The following PRIM2 variants were observed in gnomAD, a reference collection of about 807,000 sequenced individuals.
PRIM2 encodes DNA primase large subunit.
PRIM2 carries 39 observed loss-of-function variants against 67.3 expected under a neutral mutation model. That is an observed-to-expected ratio of 0.58 (90% confidence interval 0.45 to 0.76). The LOEUF (loss-of-function observed/expected upper bound fraction) is 0.76, where lower values mean the gene tolerates loss of function less well. Among genes scored for constraint, PRIM2 ranks in the 30% least tolerant of loss-of-function variants. PRIM2 has a pLI of 0.00. For missense variants in PRIM2, 398 were observed against 598.7 expected (o/e 0.66, Z 3.50); for synonymous variants, 143 against 198.7 (o/e 0.72, Z 2.36).
chr6:57,480,416 A>G lies in PRIM2; in HGVS notation c.694-26971A>G, dbSNP rs1336323692. Among the ~76,000 whole-genome samples, 4 of 151,884 alleles carry G rather than the reference A, an allele frequency of 2.6e-5. No homozygotes were observed. In the East Asian group the frequency reaches 7.7e-4, roughly 29 times the overall value. ...CATAACTTTAGGTATAATAAAAAAAACTAGGAAATTAATGTTAGTACACAG... is the reference window on the plus strand; with the variant it reads ...CATAACTTTAGGTATAATAAAAAAAGCTAGGAAATTAATGTTAGTACACAG... On this transcript the variant is annotated intron_variant, in intron 7 of 13. Transcript: ENST00000615550.
chr6:57,505,734 A>G lies in PRIM2; in HGVS notation c.694-1653A>G, dbSNP rs1774237435. ...GAAATGAAGACTGAAATTAAGATGA[A>G]GGGGTAGATTTGAAAATCTTTCCTA... On this transcript the variant is annotated intron_variant, in intron 7 of 13. Transcript: ENST00000615550. 2.0e-5 allele frequency among the ~76,000 whole-genome samples: 3 copies of G among 152,314 alleles called. No homozygotes were observed. The Middle Eastern group carries it at 0.01, about 518-fold the overall frequency.
At chr6:57,326,234 A>C in intron 5 of PRIM2, 189 bp downstream of exon 5, 1 of 514,338 alleles carries the variant, frequency 1.9e-6, no homozygotes. Flanking sequence ...GGACTCCTTA[A>C]TAACAAAGTC....
At chr6:57,614,320 C>T (rs1397002219) in intron 12 of PRIM2, among the ~76,000 whole-genome samples, 3 of 152,290 alleles carry the variant, frequency 2.0e-5, no homozygotes, top group Admixed American at 6.5e-5. Flanking sequence ...TTGTCTTCTA[C>T]GAAACTGGTC....
chr6:57,481,917 T>C (rs1319831936), intron 7 of PRIM2, among the ~76,000 whole-genome samples: 3 of 152,216 alleles, frequency 2.0e-5, no homozygotes, highest in African/African-American at 4.8e-5. Flanking sequence ...GGATGATTTT[T>C]TTCCTGGCTT....
Position 57,372,894 on chromosome 6 carries a change from G to A in PRIM2, c.460-7007G>A, listed in dbSNP as rs566987488. Among the ~76,000 whole-genome samples the A allele has an allele frequency of 6.8e-4, 104 of 152,238 alleles. 2 individuals are homozygous for A. The highest frequency in any genetic ancestry group is 2.4e-3 in the African/African-American group (101 of 41,530). On this transcript the variant is annotated intron_variant, in intron 5 of 13. Transcript: ENST00000615550. ...GTTGATTCCATGTCTTTGCTATTGT[G>A]AATAGTGCTGCAGTGAACATATGTG...
intron 10 of PRIM2, among the ~76,000 whole-genome samples, chr6:57,577,416 CTGGT>C (rs1775983010): frequency 6.7e-6 from 1 of 149,822 alleles, no homozygotes; most frequent in Admixed American, 6.8e-5. Flanking sequence ...TTTCCATTGC[CTGGT>C]ATATAAATTT....
chr6:57,629,648 C>G (rs1777010601), intron 12 of PRIM2, among the ~76,000 whole-genome samples: 1 of 151,824 alleles, frequency 6.6e-6, no homozygotes, highest in South Asian at 2.1e-4. Flanking sequence ...GATCTACCAT[C>G]TATTCCCTGA....
intron 7 of PRIM2, among the ~76,000 whole-genome samples, chr6:57,428,827 T>C (rs1359571238): frequency 6.6e-6 from 1 of 152,206 alleles, no homozygotes; most frequent in Non-Finnish European, 1.5e-5. Context: ...TAATATCTTA[T>C]ATAACCATAG....
intron 10 of PRIM2, among the ~76,000 whole-genome samples, chr6:57,594,438 TA>T (rs1271673759): frequency 6.6e-6 from 1 of 152,216 alleles, no homozygotes; most frequent in Non-Finnish European, 1.5e-5. Flanking sequence ...AAGACTGTGT[TA>T]TTGGCAAAAG....
chr6:57,517,543 T>C (rs1454812863), intron 8 of PRIM2, among the ~76,000 whole-genome samples: 1 of 152,188 alleles, frequency 6.6e-6, no homozygotes, highest in Non-Finnish European at 1.5e-5. Context: ...TTTTAATTAA[T>C]TAAAATTTTA....
At chr6:57,262,406 A>T in the PRIM2 span, among the ~76,000 whole-genome samples, 5 of 152,048 alleles carry the variant, frequency 3.3e-5, no homozygotes, top group Non-Finnish European at 7.4e-5. Context: ...AAGTATTTCC[A>T]GTTATTTCTA....
the PRIM2 span, among the ~76,000 whole-genome samples, chr6:57,273,262 A>G: frequency 1.8e-4 from 27 of 152,350 alleles, no homozygotes; most frequent in Admixed American, 7.2e-4. Flanking sequence ...TTTCAGGTGC[A>G]CTGATCAGAC....
intron 5 of PRIM2, among the ~76,000 whole-genome samples, chr6:57,348,996 C>T (rs550901244): frequency 2.0e-5 from 3 of 152,156 alleles, no homozygotes; most frequent in Non-Finnish European, 2.9e-5. Context: ...CTGCCTGCTT[C>T]GGCCTTCCAA....
chr6:57,605,927 G>C (rs1776554103), intron 11 of PRIM2, among the ~76,000 whole-genome samples: 2 of 151,956 alleles, frequency 1.3e-5, no homozygotes, highest in Non-Finnish European at 2.9e-5. Flanking sequence ...AAATGATGTT[G>C]AATTTTTTTC....
chr6:57,256,939 C>G, the PRIM2 span, among the ~76,000 whole-genome samples: 5 of 152,284 alleles, frequency 3.3e-5, no homozygotes, highest in African/African-American at 1.2e-4. Context: ...TAGCCACAAC[C>G]CTTTAGTTTC....
At chr6:57,289,679 C>A in the PRIM2 span, among the ~76,000 whole-genome samples, 1 of 152,166 alleles carries the variant, frequency 6.6e-6, no homozygotes, top group Non-Finnish European at 1.5e-5. Flanking sequence ...TAATTTTCAA[C>A]CCAGAATTTC....
chr6:57,486,309 G>T (rs1223130169), intron 7 of PRIM2, among the ~76,000 whole-genome samples: 2 of 152,116 alleles, frequency 1.3e-5, no homozygotes, highest in Non-Finnish European at 2.9e-5. Flanking sequence ...AGCTTGTGGG[G>T]GTTATTTATA....
At chr6:57,442,339 C>T (rs1041855060) in intron 7 of PRIM2, among the ~76,000 whole-genome samples, 1 of 151,876 alleles carries the variant, frequency 6.6e-6, no homozygotes, top group Non-Finnish European at 1.5e-5. Context: ...TATTTTGGTT[C>T]ATTTGTGAGA....
At chr6:57,340,589 A>G in intron 5 of PRIM2, among the ~76,000 whole-genome samples, 1 of 152,200 alleles carries the variant, frequency 6.6e-6, no homozygotes, top group East Asian at 1.9e-4. Context: ...CATCATTCTC[A>G]GTAAACTATC....
Sources: allele counts gnomAD v4.1 joint callset (sites outside exome capture counted in the v4.1 genomes callset), GRCh38; gene constraint gnomAD v4.1.1; transcripts MANE v1.5; gene names NCBI Gene and HGNC (gene_info 2026-07-23, HGNC 2026-07-21).